The following MED30 variants were observed in gnomAD, a reference collection of about 807,000 sequenced individuals.
MED30 encodes mediator of RNA polymerase II transcription subunit 30.
Under a neutral mutation model 21.7 loss-of-function variants are expected in MED30, and 8 were observed. The ratio of observed to expected loss-of-function variants is 0.37; its 90% CI spans 0.22 to 0.67. MED30 has a LOEUF of 0.67. Ranked by LOEUF, MED30 falls within the 30% of genes least tolerant of loss-of-function variation. The probability of loss-of-function intolerance (pLI) is 0.58; values close to 1 mark genes in which losing one functional copy is unlikely to be tolerated. For missense variants in MED30, 203 were observed against 228.2 expected, an observed-to-expected ratio of 0.89 and a Z score of 0.71; for synonymous variants, 79 against 86.7, an observed-to-expected ratio of 0.91 and a Z score of 0.49.
At chr8:117,523,100 A>G (rs1818655721) in intron 1 of MED30, among the ~76,000 whole-genome samples, 2 of 152,224 alleles carry the variant, frequency 1.3e-5, no homozygotes, top group South Asian at 2.1e-4. Flanking sequence ...ATTAAAAGAT[A>G]TAATACAGGT....
intron 1 of MED30, chr8:117,523,210 GTTTTT>G: frequency 1.6e-6 from 1 of 628,408 alleles, no homozygotes; most frequent in Non-Finnish European, 2.6e-6. Context: ...TTTTTTTTAA[GTTTTT>G]TTTTTTTGTC....
chr8:117,535,991 AT>A (rs1180004556), intron 3 of MED30, among the ~76,000 whole-genome samples: 1 of 151,422 alleles, frequency 6.6e-6, no homozygotes, highest in African/African-American at 2.4e-5. Context: ...TTGCTTGCTT[AT>A]TTTTTTTCCA....
intron 1 of MED30, among the ~76,000 whole-genome samples, chr8:117,524,583 G>A (rs1016092453): frequency 5.9e-5 from 9 of 152,128 alleles, no homozygotes; most frequent in Non-Finnish European, 1.3e-4. Flanking sequence ...CATTGCTTTT[G>A]TTCTGTTTAT....
chr8:117,525,635 T>G (rs879922914), intron 1 of MED30, among the ~76,000 whole-genome samples: 2 of 152,110 alleles, frequency 1.3e-5, no homozygotes, highest in Non-Finnish European at 2.9e-5. Flanking sequence ...GTGATCCTTA[T>G]GGAATTTATC....
chr8:117,522,091 A>G (rs1356225889), intron 1 of MED30, among the ~76,000 whole-genome samples: 1 of 152,180 alleles, frequency 6.6e-6, no homozygotes, highest in Non-Finnish European at 1.5e-5. Flanking sequence ...AACACCTGTT[A>G]TGTCTTGATG....
At chr8:117,539,110 G>A (rs972865735) in intron 3 of MED30, among the ~76,000 whole-genome samples, 2 of 152,180 alleles carry the variant, frequency 1.3e-5, no homozygotes, top group Non-Finnish European at 2.9e-5. Flanking sequence ...CAGCTCTTAT[G>A]AGGTAGTTTC....
chr8:117,538,035 G>T (rs1003453008), intron 3 of MED30, among the ~76,000 whole-genome samples: 3 of 152,106 alleles, frequency 2.0e-5, no homozygotes, highest in Non-Finnish European at 4.4e-5. Context: ...AGAAGTGTTG[G>T]TTTCTTGGTC....
chr8:117,528,616 A>G (rs1002889095), intron 1 of MED30, 35 bp from the exon 2 acceptor site: 5 of 1,516,880 alleles, frequency 3.3e-6, no homozygotes, highest in Non-Finnish European at 4.4e-6. Context: ...TTTTTTCATT[A>G]CTTGATATTT....
At chr8:117,539,304 A>G (rs1017209003) in intron 3 of MED30, among the ~76,000 whole-genome samples, 62 of 152,296 alleles carry the variant, frequency 4.1e-4, no homozygotes, top group African/African-American at 1.4e-3. Flanking sequence ...CCTGGCCAAC[A>G]TGGCAAAACC....
intron 1 of MED30, among the ~76,000 whole-genome samples, chr8:117,526,900 A>G (rs1229716501): frequency 6.6e-6 from 1 of 152,052 alleles, no homozygotes; most frequent in East Asian, 1.9e-4. Flanking sequence ...AGTATTTATC[A>G]AGAGTTCTTT....
At chr8:117,523,666 T>A in intron 1 of MED30, 6 of 1,593,896 alleles carry the variant, frequency 3.8e-6, no homozygotes, top group Non-Finnish European at 4.3e-6. Flanking sequence ...CAGCTCCGGG[T>A]GCTTAGGCAT....
chr8:117,524,688 A>G lies in MED30; in HGVS notation c.177+3635A>G, dbSNP rs115329103. ...AGTGAACATTTTCCTTCCCATTCCT[A>G]TCTCTTATACTATGTACCTAACTCC... is the stretch of plus-strand genomic sequence containing the variant. On this transcript the variant is annotated intron_variant, in intron 1 of 3. Coordinates refer to ENST00000297347, the MANE Select transcript of MED30 (RefSeq NM_080651.4). Among the ~76,000 whole-genome samples, 291 of 152,290 alleles carry G rather than the reference A, an allele frequency of 1.9e-3. 1 individual carries two copies. The highest frequency in any genetic ancestry group is 6.6e-3 in the African/African-American group (275 of 41,570).
At chr8:117,532,789 A>AT (rs1415514136) in intron 3 of MED30, among the ~76,000 whole-genome samples, 1 of 152,102 alleles carries the variant, frequency 6.6e-6, no homozygotes, top group African/African-American at 2.4e-5. Flanking sequence ...CATGACAATC[A>AT]TAATAAAAAA....
At chr8:117,529,361 T>A (rs567228664) in intron 2 of MED30, among the ~76,000 whole-genome samples, 5 of 151,968 alleles carry the variant, frequency 3.3e-5, no homozygotes, top group African/African-American at 1.2e-4. Context: ...CAAAGGAAGC[T>A]GGTAAGAGAT....
chr8:117,534,007 T>C (rs1305897354), intron 3 of MED30, among the ~76,000 whole-genome samples: 1 of 152,220 alleles, frequency 6.6e-6, no homozygotes, highest in African/African-American at 2.4e-5. Flanking sequence ...AAGTTATGTT[T>C]CCTCAGAAAT....
chr8:117,528,600 T>G, intron 1 of MED30, 51 bp from the exon 2 acceptor site: 1 of 1,482,214 alleles, frequency 6.7e-7, no homozygotes, highest in Non-Finnish European at 9.0e-7. Context: ...TAGAAAATCT[T>G]GATTTTTTTT....
At chr8:117,521,156 G>C in intron 1 of MED30, 103 bp downstream of exon 1, 1 of 1,154,326 alleles carries the variant, frequency 8.7e-7, no homozygotes, top group Non-Finnish European at 1.2e-6. Context: ...GGGCTGCCCT[G>C]GGCAAACCTT....
chr8:117,530,695 C>A (rs1236018390), intron 2 of MED30, 28 bp from the exon 3 acceptor site: 7 of 1,531,190 alleles, frequency 4.6e-6, no homozygotes, highest in Non-Finnish European at 6.3e-6. Context: ...TATATTTTTG[C>A]CTTTTAATTT....
chr8:117,523,173 G>A, intron 1 of MED30: 1 of 654,190 alleles, frequency 1.5e-6, no homozygotes, highest in Non-Finnish European at 2.7e-6. Flanking sequence ...TAGATTACAT[G>A]TGGACCTGCA....
Sources: allele counts gnomAD v4.1 joint callset (sites outside exome capture counted in the v4.1 genomes callset), GRCh38; gene constraint gnomAD v4.1.1; transcripts MANE v1.5; gene names NCBI Gene and HGNC (gene_info 2026-07-23, HGNC 2026-07-21).